Variants in ULK1 observed in about 807,000 individuals in gnomAD.
The protein encoded by ULK1 is serine/threonine-protein kinase ULK1.
ULK1 carries 48 observed loss-of-function variants against 117.5 expected under a neutral mutation model. The ratio of observed to expected loss-of-function variants is 0.41; its 90% CI spans 0.32 to 0.52. The LOEUF is 0.52. Ranked by LOEUF, ULK1 falls within the 20% of genes least tolerant of loss-of-function variation. The pLI is 0.29. For synonymous variants in ULK1, 790 were observed against 637.8 expected, an observed-to-expected ratio of 1.24 and a Z score of -3.60; for missense variants, 1,387 against 1,473.4, an observed-to-expected ratio of 0.94 and a Z score of 0.96.
At position 131,895,519 on chromosome 12, in the gene ULK1, G is replaced by A. The variant is rs1315569584; in HGVS notation, c.112-82G>A. ...GGGATTCCCAACCGGGATCATCTCAGGGCCCCACCTGTGTGGACTGGGGTC... is the reference window on the plus strand; with the variant it reads ...GGGATTCCCAACCGGGATCATCTCAAGGCCCCACCTGTGTGGACTGGGGTC... On this transcript the variant is annotated intron_variant, in intron 1 of 27. Coordinates refer to ENST00000321867, the MANE Select transcript of ULK1 (RefSeq NM_003565.4). 7 of 1,209,276 alleles carry A rather than the reference G, an allele frequency of 5.8e-6. No homozygotes were observed. The East Asian group carries it at 1.5e-4, about 25-fold the overall frequency. The allele number at this position is 1,209,276 out of a possible 1,614,324, so 74.9% of individuals were successfully genotyped here. A position where few individuals can be genotyped will look rare whatever the true frequency, so the allele number is the denominator to read the frequency against.
chr12:131,920,888 G>C (rs12297124), intron 26 of ULK1: 1 of 642,226 alleles, frequency 1.6e-6, no homozygotes, highest in Non-Finnish European at 2.6e-6. Flanking sequence ...GGCTGAGAGC[G>C]CTGGCCAGGG....
chr12:131,906,153 GCA>G (rs1168295361), intron 3 of ULK1, among the ~76,000 whole-genome samples: 2 of 152,136 alleles, frequency 1.3e-5, no homozygotes, highest in Non-Finnish European at 2.9e-5. Flanking sequence ...GAGTGCAGTG[GCA>G]CAGTCTCGGC....
Position 131,916,488 on chromosome 12 carries a change from C to A in ULK1, c.1969C>A (p.Arg657=). 1 of 1,612,292 alleles carries A rather than the reference C, an allele frequency of 6.2e-7. No homozygotes were observed. The highest frequency in any genetic ancestry group is 1.3e-5 in the African/African-American group (1 of 75,034). ...ARQGVVMTPP[R]NRTLPDLSEV... ...GCAGGGCGTGGTGATGACGCCCCCT[C>A]GAAACCGGACGCTGCCCGACCTCTC... is the stretch of plus-strand genomic sequence containing the variant. Residue 657 remains arginine (R), a synonymous_variant, in exon 20 of 28, where the codon CGA becomes AGA. Coordinates refer to ENST00000321867, the MANE Select transcript of ULK1 (RefSeq NM_003565.4).
intron 23 of ULK1, among the ~76,000 whole-genome samples, chr12:131,918,987 G>C (rs1187368682): frequency 7.5e-6 from 1 of 134,028 alleles, no homozygotes; most frequent in Non-Finnish European, 1.6e-5. Context: ...TGGGGTGTCG[G>C]GTGTGTGGGG....
intron 20 of ULK1, 65 bp from the exon 21 acceptor site, chr12:131,916,888 C>T (rs1295190851): frequency 7.0e-7 from 1 of 1,431,672 alleles, no homozygotes; most frequent in Non-Finnish European, 9.5e-7. Context: ...TGCAGAGGGA[C>T]CTCTCGAGGT....
rs1305759963 is a variant in ULK1, at chr12:131,920,963, A to G, written c.2962-137A>G. 4 of 1,237,424 alleles carry G rather than the reference A, an allele frequency of 3.2e-6. No individual in the cohort carries two copies. In the Admixed American group the frequency reaches 8.2e-5, roughly 25 times the overall value. 76.7% of individuals were successfully genotyped at this position (1,237,424 alleles called of 1,614,324 possible). ...CCATCCCCTCTGCACAGCAGGCTGC[A>G]CCAGCACTTATGTCTCCACGTCACT... On this transcript the variant is annotated intron_variant, in intron 26 of 27. Transcript: ENST00000321867.
At chr12:131,895,164 C>A in intron 1 of ULK1, 52 bp downstream of exon 1, 2 of 1,282,440 alleles carry the variant, frequency 1.6e-6, no homozygotes, top group South Asian at 1.5e-5. Context: ...CCTGCCCCTG[C>A]ATCCCCGCCC....
At chr12:131,900,637 G>GC (rs140009658) in intron 3 of ULK1, among the ~76,000 whole-genome samples, 16,433 of 152,262 alleles carry the variant, frequency 0.11, 1,567 homozygotes, top group East Asian at 0.56. Context: ...GCTGATGGTG[G>GC]CCCCCCTGGC....
chr12:131,896,981 G>C (rs1888899291), intron 3 of ULK1: 1 of 152,534 alleles, frequency 6.6e-6, no homozygotes, highest in South Asian at 2.1e-4. Context: ...TCCAGGCCAG[G>C]CCCTGTGACT....
chr12:131,915,621 C>T lies in ULK1; in HGVS notation c.1609+200C>T, dbSNP rs541582572. Among the ~76,000 whole-genome samples the T allele has an allele frequency of 7.9e-5, 12 of 152,288 alleles. No homozygotes were observed. The East Asian group carries it at 2.1e-3, about 27-fold the overall frequency. ...ATCCCCTCTGTGCCAGTCTTCTGTGCTGGCTGAGGGTCAGGTTTAAGAGTG... is the reference window on the plus strand; with the variant it reads ...ATCCCCTCTGTGCCAGTCTTCTGTGTTGGCTGAGGGTCAGGTTTAAGAGTG... On this transcript the variant is annotated intron_variant, in intron 18 of 27. Transcript: ENST00000321867.
intron 5 of ULK1, among the ~76,000 whole-genome samples, chr12:131,908,349 G>A (rs544283211): frequency 2.0e-5 from 3 of 152,262 alleles, no homozygotes; most frequent in East Asian, 1.9e-4. Flanking sequence ...AGCGGGACCC[G>A]GGCGGAACCG....
In ULK1 at chr12:131,922,018, G is replaced by A; in HGVS notation, c.*657G>A. On this transcript the variant is annotated 3_prime_UTR_variant, in exon 28 of 28. Transcript: ENST00000321867. ...CTCAGCGGGAGAACTGGCTCCGGGG[G>A]GAGTGGGGCCCTGCGCTAGAGGCAG... 2.2e-6 allele frequency: 1 copy of A among 454,614 alleles called. No individual in the cohort carries two copies. The highest frequency in any genetic ancestry group is 4.4e-6 in the Non-Finnish European group (1 of 225,560). The allele number at this position is 454,614 out of a possible 1,614,324, so 28.2% of individuals were successfully genotyped here.
rs375053999 is a variant in ULK1 at position 131,918,696 on chromosome 12, G to A, written c.2511+15G>A. 43 of 1,567,380 alleles carry A rather than the reference G, an allele frequency of 2.7e-5. 2 individuals are homozygous for A. The highest frequency in any genetic ancestry group is 2.7e-4 in the African/African-American group (20 of 73,688). On this transcript the variant is annotated intron_variant, in intron 23 of 27. Coordinates refer to ENST00000321867, the MANE Select transcript of ULK1 (RefSeq NM_003565.4). ...CCCTCATGGAGGTGAGGGCTGGAGT[G>A]AGCAAAGGTTCCCATTCTGGCTGGA...
Position 131,915,392 on chromosome 12 carries a change from A to G in ULK1, c.1580A>G (p.Glu527Gly), listed in dbSNP as rs1322472854. 6.2e-7 allele frequency: 1 copy of G among 1,612,688 alleles called. No homozygotes were observed. ...WSGTPSPQGA[E>G]MRGGRSPRPG... Reference sequence around the variant, plus strand: ...GGGACGCCCTCCCCACAGGGAGCTGAGATGCGGGGTGGCAGGTCCCCTCGT... The same window carrying G: ...GGGACGCCCTCCCCACAGGGAGCTGGGATGCGGGGTGGCAGGTCCCCTCGT... Residue 527 changes from glutamate to glycine, a missense_variant, in exon 18 of 28, where the codon GAG becomes GGG. By Grantham distance (98) the Glu-to-Gly change is moderately conservative. Around this residue, in one of 4 missense-constraint regions of ULK1, gnomAD observed 900 missense variants for 858.9 expected, o/e 1.05. Coordinates refer to ENST00000321867, the MANE Select transcript of ULK1 (RefSeq NM_003565.4).
chr12:131,910,864 C>T lies in ULK1; in HGVS notation c.948+64C>T, dbSNP rs577879661. 4.9e-5 allele frequency: 78 copies of T among 1,602,146 alleles called. No homozygotes were observed. In the African/African-American group the frequency reaches 7.9e-4, roughly 16 times the overall value. On this transcript the variant is annotated intron_variant, in intron 12 of 27. Transcript: ENST00000321867. The stretch of plus-strand genomic sequence containing the variant: ...CACTCAGCAGTCAGGGGCTCCAGCC[C>T]TGGGCCCCCGCGGGGACGTGCTGTG...
At position 131,910,862 on chromosome 12, in the gene ULK1, C is replaced by T. The variant is rs557619156; in HGVS notation, c.948+62C>T. 8.1e-6 allele frequency: 13 copies of T among 1,601,838 alleles called. No homozygotes were observed. The East Asian group carries it at 2.7e-4, about 33-fold the overall frequency. On this transcript the variant is annotated intron_variant, in intron 12 of 27. Transcript: ENST00000321867. ...TCCACTCAGCAGTCAGGGGCTCCAG[C>T]CCTGGGCCCCCGCGGGGACGTGCTG...
rs909101570 is a variant in ULK1 at position 131,917,656 on chromosome 12, C to T, written c.2326+102C>T. 53 of 1,186,750 alleles carry T rather than the reference C, an allele frequency of 4.5e-5. No individual in the cohort carries two copies. In the African/African-American group the frequency reaches 7.4e-4, roughly 17 times the overall value. 73.5% of individuals were successfully genotyped at this position (1,186,750 alleles called of 1,614,324 possible). A position where few individuals can be genotyped will look rare whatever the true frequency, so the allele number is the denominator to read the frequency against. On this transcript the variant is annotated intron_variant, in intron 22 of 27. Transcript: ENST00000321867. ...CTCGGGTCACTGGACTACAGCCCCC[C>T]AGAGCCCAGGGGTGCCTGAGGAAGC...
At position 131,918,607 on chromosome 12, in the gene ULK1, G is replaced by A. The variant is rs143018342; in HGVS notation, c.2437G>A (p.Asp813Asn). 7.5e-5 allele frequency: 120 copies of A among 1,610,602 alleles called. No individual in the cohort carries two copies. Among genetic ancestry groups the A allele is most frequent in the Middle Eastern group, 5.0e-4 (3 of 6,046 alleles). ...TCCAGGACACGGCTGCAGCTTTGCC[G>A]ACCCCATTACTGCGAACCTGGAGGG... Reference protein sequence around the residue: ...PAPGHGCSFADPITANLEGAV... With the variant: ...PAPGHGCSFANPITANLEGAV... The change falls in exon 23 of 28, where the codon GAC becomes AAC. Residue 813 changes from aspartate (D) to asparagine (N), a missense_variant. By Grantham distance (23) the Asp-to-Asn change is conservative. Coordinates refer to ENST00000321867, the MANE Select transcript of ULK1 (RefSeq NM_003565.4).
chr12:131,921,504 C>T lies in ULK1; in HGVS notation c.*143C>T, dbSNP rs1005507083. The stretch of plus-strand genomic sequence containing the variant: ...TGGGCCCCACGGACAGTCAGCCTGC[C>T]GGCCTCCCTGCAGCTCACGGGGCAG... On this transcript the variant is annotated 3_prime_UTR_variant, in exon 28 of 28. Coordinates refer to ENST00000321867, the MANE Select transcript of ULK1 (RefSeq NM_003565.4). 23 of 1,272,700 alleles carry T rather than the reference C, an allele frequency of 1.8e-5. No homozygotes were observed. The African/African-American group carries it at 1.9e-4, about 11-fold the overall frequency. The allele number at this position is 1,272,700 out of a possible 1,614,324, so 78.8% of individuals were successfully genotyped here. A position where few individuals can be genotyped will look rare whatever the true frequency, so the allele number is the denominator to read the frequency against.
Sources: allele counts gnomAD v4.1 joint callset (sites outside exome capture counted in the v4.1 genomes callset), GRCh38; gene constraint gnomAD v4.1.1; regional missense constraint gnomAD v4.1.1; transcripts MANE v1.5; gene names NCBI Gene and HGNC (gene_info 2026-07-23, HGNC 2026-07-21).